The following SNX1 variants were observed in gnomAD, a reference collection of about 807,000 sequenced individuals.
The protein encoded by SNX1 is sorting nexin 1.
SNX1 carries 36 observed loss-of-function variants against 71.8 expected under a neutral mutation model. The ratio of observed to expected loss-of-function variants is 0.50; its 90% confidence interval spans 0.38 to 0.66. SNX1 has a LOEUF of 0.66. Ranked by LOEUF, SNX1 falls within the 30% of genes least tolerant of loss-of-function variation. The pLI is 0.00. For synonymous variants in SNX1, 254 were observed against 240.7 expected, an observed-to-expected ratio of 1.06 and a Z score of -0.51; for missense variants, 612 against 646.7, an observed-to-expected ratio of 0.95 and a Z score of 0.58.
chr15:64,108,408 T>C (rs1281192362), intron 1 of SNX1, among the ~76,000 whole-genome samples: 4 of 152,182 alleles, frequency 2.6e-5, no homozygotes, highest in African/African-American at 7.2e-5. Context: ...AAGTGTGTTA[T>C]AATGTCCAGG....
Position 64,142,814 on chromosome 15 carries a change from A to G in SNX1, c.*5196A>G, listed in dbSNP as rs2081428045. ...CAAAATAAATGAGAGAAACGGGAAT[A>G]AGAATTGTCGCCTACACAAAAATAC... On this transcript the variant is annotated 3_prime_UTR_variant, in exon 15 of 15. Coordinates refer to ENST00000559844, the MANE Select transcript of SNX1 (RefSeq NM_003099.5). The G allele has an allele frequency of 2.7e-6, 1 of 370,234 alleles. No homozygotes were observed. Among genetic ancestry groups the G allele is most frequent in the Non-Finnish European group, 5.4e-6 (1 of 183,908 alleles). 22.9% of individuals were successfully genotyped at this position (370,234 alleles called of 1,614,324 possible). A position where few individuals can be genotyped will look rare whatever the true frequency, so the allele number is the denominator to read the frequency against.
intron 1 of SNX1, among the ~76,000 whole-genome samples, chr15:64,105,215 T>G (rs943520037): frequency 1.4e-4 from 12 of 82,842 alleles, no homozygotes; most frequent in African/African-American, 5.0e-4. Flanking sequence ...CGAGACTCTG[T>G]CTCAAAAAAA....
At chr15:64,130,143 C>T in intron 9 of SNX1, 85 bp from the exon 10 acceptor site, 1 of 1,474,490 alleles carries the variant, frequency 6.8e-7, no homozygotes, top group Non-Finnish European at 9.4e-7. Context: ...TTTTTCAGTC[C>T]CTTTTTGAGA....
intron 12 of SNX1, among the ~76,000 whole-genome samples, chr15:64,135,257 A>G (rs1256480046): frequency 6.6e-6 from 1 of 151,692 alleles, no homozygotes; most frequent in African/African-American, 2.4e-5. Context: ...AGCTGGGACT[A>G]CAGGCTCCTG....
intron 1 of SNX1, among the ~76,000 whole-genome samples, chr15:64,103,818 C>G (rs986140369): frequency 6.6e-6 from 1 of 152,224 alleles, no homozygotes; most frequent in African/African-American, 2.4e-5. Flanking sequence ...TAGCCCTTCT[C>G]TGATCTTAAT....
rs542025528 is a variant in SNX1 at position 64,129,741 on chromosome 15, A to G, written c.808-175A>G. 3 of 565,686 alleles carry G rather than the reference A, an allele frequency of 5.3e-6. No individual in the cohort carries two copies. In the South Asian group the frequency reaches 7.1e-5, roughly 13 times the overall value. The allele number at this position is 565,686 out of a possible 1,614,324, so 35.0% of individuals were successfully genotyped here. On this transcript the variant is annotated intron_variant, in intron 8 of 14. Transcript: ENST00000559844. This position sits in a 1 kb window ranked among gnomAD's most constrained non-coding sequence, Gnocchi z 4.4. ...TGATTCTTTTTAACATGGTTCTTTG[A>G]TTTTTCTGTATGGACATGTTAGTTG...
chr15:64,124,178 A>ATATATATATATATATATATATATGTATG (rs1445871067), intron 5 of SNX1, among the ~76,000 whole-genome samples: 1 of 123,566 alleles, frequency 8.1e-6, no homozygotes, highest in African/African-American at 2.9e-5. Flanking sequence ...ATATATATAT[A>ATATATATATATATATATATATATGTATG]TGACTGTTTT....
At chr15:64,102,097 A>T (rs368869872) in intron 1 of SNX1, among the ~76,000 whole-genome samples, 1 of 152,328 alleles carries the variant, frequency 6.6e-6, no homozygotes, top group African/African-American at 2.4e-5. Context: ...CAAGTTTTTT[A>T]AAAAGTTTCC....
rs1344748296 is a variant in SNX1 at position 64,112,646 on chromosome 15, A to C, written c.233A>C (p.His78Pro). 1 of 1,613,770 alleles carries C rather than the reference A, an allele frequency of 6.2e-7. No homozygotes were observed. Among genetic ancestry groups the C allele is most frequent in the East Asian group, 2.2e-5 (1 of 44,866 alleles). Reference sequence around the variant, plus strand: ...AATGGCTCCAAAGAAAATGGGATCCATGAAGAACAAGACCAAGAGCCACAG... The same window carrying C: ...AATGGCTCCAAAGAAAATGGGATCCCTGAAGAACAAGACCAAGAGCCACAG... Reference protein sequence around the residue: ...INNGSKENGIHEEQDQEPQDL... With the variant: ...INNGSKENGIPEEQDQEPQDL... Residue 78 changes from histidine (H) to proline (P), a missense_variant, in exon 2 of 15, where the codon CAT becomes CCT. Physicochemically the swap from His to Pro is moderately conservative, Grantham distance 77. Coordinates refer to ENST00000559844, the MANE Select transcript of SNX1 (RefSeq NM_003099.5).
intron 12 of SNX1, chr15:64,135,035 C>T: frequency 1.8e-6 from 1 of 541,104 alleles, no homozygotes; most frequent in Non-Finnish European, 3.1e-6. Flanking sequence ...AATCTCTGGC[C>T]CGGCATGGTG....
intron 6 of SNX1, 54 bp downstream of exon 6, chr15:64,126,274 A>G: frequency 6.3e-7 from 1 of 1,577,136 alleles, no homozygotes. Context: ...CATTCTCTCC[A>G]AAATTCACTC....
intron 5 of SNX1, among the ~76,000 whole-genome samples, chr15:64,125,130 T>C (rs1042978158): frequency 2.0e-5 from 3 of 152,200 alleles, no homozygotes; most frequent in Non-Finnish European, 4.4e-5. Context: ...TGTCTGTCTT[T>C]AGTTTGGCTG....
At position 64,139,979 on chromosome 15, in the gene SNX1, T is replaced by C. The variant is rs2081397317; in HGVS notation, c.*2361T>C. The C allele has an allele frequency of 6.6e-6, 1 of 152,196 alleles. No individual in the cohort carries two copies. The highest frequency in any genetic ancestry group is 2.4e-5 in the African/African-American group (1 of 41,458). The allele number at this position is 152,196 out of a possible 1,614,324, so 9.4% of individuals were successfully genotyped here. ...GAAGCAGTGTGTCGTCAGTGCGTCG[T>C]AATCAGCATATAATGTCAGTTGGTC... On this transcript the variant is annotated 3_prime_UTR_variant, in exon 15 of 15. Transcript: ENST00000559844.
At chr15:64,125,938 C>G (rs1567327999) in intron 5 of SNX1, 141 bp from the exon 6 acceptor site, 2 of 857,218 alleles carry the variant, frequency 2.3e-6, no homozygotes, top group Non-Finnish European at 3.8e-6. Flanking sequence ...TTAAGACTCT[C>G]TGCCTTGGAG....
chr15:64,106,195 A>G (rs2081020124), intron 1 of SNX1, among the ~76,000 whole-genome samples: 1 of 152,200 alleles, frequency 6.6e-6, no homozygotes, highest in African/African-American at 2.4e-5. Context: ...TGATTAATGT[A>G]TATGCCAAAT....
At chr15:64,130,082 G>C (rs1364309488) in intron 9 of SNX1, 53 bp downstream of exon 9, 1 of 1,489,710 alleles carries the variant, frequency 6.7e-7, no homozygotes, top group African/African-American at 1.4e-5. Flanking sequence ...TTATGGGTCA[G>C]AACCCCTAAG....
At chr15:64,104,166 A>G (rs986107460) in intron 1 of SNX1, among the ~76,000 whole-genome samples, 4 of 152,122 alleles carry the variant, frequency 2.6e-5, no homozygotes, top group Non-Finnish European at 5.9e-5. Context: ...ACATAAACTC[A>G]TTAATTTCTT....
At chr15:64,107,943 C>T (rs1364872480) in intron 1 of SNX1, among the ~76,000 whole-genome samples, 1 of 152,094 alleles carries the variant, frequency 6.6e-6, no homozygotes, top group African/African-American at 2.4e-5. Flanking sequence ...CCTGTAATCC[C>T]AGCACTTTGG....
chr15:64,138,014 A>T lies in SNX1; in HGVS notation c.*396A>T. 2 of 1,504,048 alleles carry T rather than the reference A, an allele frequency of 1.3e-6. No individual in the cohort carries two copies. The highest frequency in any genetic ancestry group is 2.8e-5 in the African/African-American group (2 of 71,578). The allele number at this position is 1,504,048 out of a possible 1,614,324, so 93.2% of individuals were successfully genotyped here. On this transcript the variant is annotated 3_prime_UTR_variant, in exon 15 of 15. Transcript: ENST00000559844. ...AAATATTTTAAAATCAGGTCACATG[A>T]CTCAGAATGTTGGTGGTTTTTGCTT...
Sources: allele counts gnomAD v4.1 joint callset (sites outside exome capture counted in the v4.1 genomes callset), GRCh38; gene constraint gnomAD v4.1.1; non-coding constraint Gnocchi (gnomAD v3.1); transcripts MANE v1.5; gene names NCBI Gene and HGNC (gene_info 2026-07-23, HGNC 2026-07-21).